PHF20: variants seen among roughly 807,000 people sequenced by gnomAD.
The protein encoded by PHF20 is PHD finger protein 20, also known as glioma-expressed antigen 2.
PHF20 carries 23 observed loss-of-function variants against 113.5 expected under a neutral mutation model. That is an observed-to-expected ratio of 0.20 (90% CI 0.15 to 0.29). The LOEUF is 0.29. Among genes scored for constraint, PHF20 ranks in the 10% least tolerant of loss-of-function variants. PHF20 has a pLI of 1.00. For missense variants in PHF20, 943 were observed against 1,219.6 expected, an observed-to-expected ratio of 0.77 and a Z score of 3.38; for synonymous variants, 434 against 457.3, an observed-to-expected ratio of 0.95 and a Z score of 0.65.
At chr20:35,939,522 G>C (rs542388565) in intron 16 of PHF20, among the ~76,000 whole-genome samples, 1 of 152,324 alleles carries the variant, frequency 6.6e-6, no homozygotes, top group South Asian at 2.1e-4. Flanking sequence ...CAATCCAGTT[G>C]TATGATAGCT....
rs546102482 is a variant in PHF20, at chr20:35,831,934, C to T, written c.84-10639C>T. On this transcript the variant is annotated intron_variant, in intron 2 of 17. Coordinates refer to ENST00000374012, the MANE Select transcript of PHF20 (RefSeq NM_016436.5). Reference sequence around the variant, plus strand: ...TCATGGAGACCTTGTGGACCAGCAGCTCTGTGTTCACCAACACGCAGTGGT... The same window carrying T: ...TCATGGAGACCTTGTGGACCAGCAGTTCTGTGTTCACCAACACGCAGTGGT... Among the ~76,000 whole-genome samples, 19 of 152,310 alleles carry T rather than the reference C, an allele frequency of 1.2e-4. 1 individual carries two copies. The South Asian group carries it at 3.1e-3, about 25-fold the overall frequency.
At chr20:35,786,872 A>G (rs2041429068) in intron 1 of PHF20, among the ~76,000 whole-genome samples, 1 of 152,168 alleles carries the variant, frequency 6.6e-6, no homozygotes, top group African/African-American at 2.4e-5. Flanking sequence ...TCTGCACGCA[A>G]GGAGTAATAA....
rs1415754987 is a variant in PHF20, at chr20:35,917,471, C to A, written c.1826-13C>A. 1 of 1,608,302 alleles carries A rather than the reference C, an allele frequency of 6.2e-7. No individual in the cohort carries two copies. Among genetic ancestry groups the A allele is most frequent in the South Asian group, 1.1e-5 (1 of 90,640 alleles). On this transcript the variant is annotated splice_polypyrimidine_tract_variant and intron_variant, in intron 12 of 17. Transcript: ENST00000374012. ...ACCTAAAATAGTAACTGTTGTTTTC[C>A]CTTTCCTCGTAGAGGAGGATAATTT...
chr20:35,782,745 A>G (rs573965147), intron 1 of PHF20: 26 of 152,334 alleles, frequency 1.7e-4, no homozygotes, highest in African/African-American at 5.5e-4. Flanking sequence ...TGTTATGCAC[A>G]TTGGAGGCAG....
At chr20:35,866,771 A>G (rs902202662) in intron 6 of PHF20, among the ~76,000 whole-genome samples, 2 of 152,232 alleles carry the variant, frequency 1.3e-5, no homozygotes, top group Admixed American at 6.5e-5. Context: ...CCCAACAAGC[A>G]GACTGCTCCT....
chr20:35,933,828 C>G (rs1037076648), intron 15 of PHF20, among the ~76,000 whole-genome samples: 1 of 152,172 alleles, frequency 6.6e-6, no homozygotes, highest in Admixed American at 6.5e-5. Context: ...CCACTGTGCC[C>G]GGTCGGTCTC....
chr20:35,850,235 G>C (rs2042694684), intron 4 of PHF20, among the ~76,000 whole-genome samples: 1 of 149,618 alleles, frequency 6.7e-6, no homozygotes, highest in African/African-American at 2.5e-5. Context: ...ATCTTTGTTT[G>C]GAAGCCATCT....
chr20:35,844,638 A>G lies in PHF20; in HGVS notation c.255+1894A>G, dbSNP rs139925936. On this transcript the variant is annotated intron_variant, in intron 3 of 17. Coordinates refer to ENST00000374012, the MANE Select transcript of PHF20 (RefSeq NM_016436.5). Reference sequence around the variant, plus strand: ...AGTTCATCCTAAGAAGAAGATATCGAGTCCAAAGAGGGTTATCAACTTTAG... The same window carrying G: ...AGTTCATCCTAAGAAGAAGATATCGGGTCCAAAGAGGGTTATCAACTTTAG... 3.8e-3 allele frequency among the ~76,000 whole-genome samples: 572 copies of G among 151,610 alleles called. 3 individuals carry two copies. The highest frequency in any genetic ancestry group is 0.013 in the African/African-American group (548 of 41,348).
At chr20:35,940,816 G>A in intron 16 of PHF20, 48 bp from the exon 17 acceptor site, 1 of 1,511,322 alleles carries the variant, frequency 6.6e-7, no homozygotes, top group Non-Finnish European at 9.0e-7. Context: ...TGAAAAATGG[G>A]CCAGGGGCTA....
chr20:35,885,704 C>T lies in PHF20; in HGVS notation c.1283-13666C>T, dbSNP rs182237224. On this transcript the variant is annotated intron_variant, in intron 9 of 17. Transcript: ENST00000374012. ...AGGAAGCACATGAAAACCTGTTTGT[C>T]CCATTTACTGGTGACATTAACTTTT... is the stretch of plus-strand genomic sequence containing the variant. 8.6e-5 allele frequency among the ~76,000 whole-genome samples: 13 copies of T among 151,938 alleles called. No individual in the cohort carries two copies. In the East Asian group the frequency reaches 2.5e-3, roughly 29 times the overall value.
chr20:35,843,662 A>C (rs1366675969), intron 3 of PHF20, among the ~76,000 whole-genome samples: 1 of 152,004 alleles, frequency 6.6e-6, no homozygotes, highest in Admixed American at 6.6e-5. Flanking sequence ...GGCTCACTGC[A>C]GCCTCAATCT....
chr20:35,793,275 A>G (rs972719278), intron 1 of PHF20, among the ~76,000 whole-genome samples: 1 of 149,960 alleles, frequency 6.7e-6, no homozygotes, highest in Non-Finnish European at 1.5e-5. Flanking sequence ...CTTAGACCTC[A>G]GTTCCTCAGA....
intron 4 of PHF20, chr20:35,850,986 G>T (rs1396046135): frequency 9.1e-6 from 4 of 437,348 alleles, no homozygotes; most frequent in Non-Finnish European, 1.7e-5. Flanking sequence ...GAGAGACAGA[G>T]TTTCACTGTA....
intron 3 of PHF20, among the ~76,000 whole-genome samples, chr20:35,844,934 A>G (rs2042596599): frequency 1.3e-5 from 2 of 152,108 alleles, no homozygotes; most frequent in South Asian, 4.1e-4. Context: ...AGTTTTGCAA[A>G]TTTATATTGT....
At chr20:35,819,983 T>C (rs1189981752) in intron 2 of PHF20, among the ~76,000 whole-genome samples, 1 of 152,178 alleles carries the variant, frequency 6.6e-6, no homozygotes, top group Non-Finnish European at 1.5e-5. Context: ...ACTTTTATTC[T>C]ACTTTATATA....
intron 9 of PHF20, among the ~76,000 whole-genome samples, chr20:35,877,916 A>G (rs1158655096): frequency 6.6e-6 from 1 of 152,226 alleles, no homozygotes; most frequent in African/African-American, 2.4e-5. Flanking sequence ...ATGAATTGTC[A>G]CTGAAGTATC....
rs2054411034 is a variant in PHF20 at position 35,871,004 on chromosome 20, G to A, written c.972G>A (p.Ser324=). 7 of 1,610,182 alleles carry A rather than the reference G, an allele frequency of 4.3e-6. No individual in the cohort carries two copies. Among genetic ancestry groups the A allele is most frequent in the Non-Finnish European group, 5.9e-6 (7 of 1,179,120 alleles). Reference sequence around the variant, plus strand: ...CGGAAAACACTGACAAAGACTTATCGAGGAGACGTTCCTCCAGGCTGTCCA... The same window carrying A: ...CGGAAAACACTGACAAAGACTTATCAAGGAGACGTTCCTCCAGGCTGTCCA... ...NYSENTDKDL[S]RRRSSRLSTN... The change falls in exon 8 of 18, where the codon TCG becomes TCA. Residue 324 remains serine (S), a synonymous_variant. Coordinates refer to ENST00000374012, the MANE Select transcript of PHF20 (RefSeq NM_016436.5).
chr20:35,774,660 A>G (rs942294519), intron 1 of PHF20: 14 of 152,238 alleles, frequency 9.2e-5, no homozygotes, highest in African/African-American at 1.9e-4. Flanking sequence ...CCAAGAAGCT[A>G]TACCAGTAGG....
At chr20:35,809,262 AC>A (rs920223261) in intron 2 of PHF20, among the ~76,000 whole-genome samples, 2 of 151,392 alleles carry the variant, frequency 1.3e-5, no homozygotes, top group Non-Finnish European at 2.9e-5. Context: ...GAAAAAAAAA[AC>A]AAAGTTTCAA....
Sources: allele counts gnomAD v4.1 joint callset (sites outside exome capture counted in the v4.1 genomes callset), GRCh38; gene constraint gnomAD v4.1.1; transcripts MANE v1.5; gene names NCBI Gene and HGNC (gene_info 2026-07-23, HGNC 2026-07-21).